Variants in ERG observed in about 807,000 individuals in gnomAD.
ERG encodes the protein transcriptional regulator ERG.
A neutral mutation model predicts 55.3 loss-of-function variants in ERG; 9 were observed. The observed-to-expected ratio is 0.16, with a 90% CI of 0.10 to 0.28. The LOEUF (loss-of-function observed/expected upper bound fraction) is 0.28, where lower values mean the gene tolerates loss of function less well. Ranked by LOEUF, ERG falls within the 10% of genes least tolerant of loss-of-function variation. The pLI is 1.00. For synonymous variants in ERG, 223 were observed against 237.3 expected, an observed-to-expected ratio of 0.94 and a Z score of 0.55; for missense variants, 434 against 631.6, an observed-to-expected ratio of 0.69 and a Z score of 3.35.
intron 2 of ERG, among the ~76,000 whole-genome samples, chr21:38,559,383 CT>C (rs574207119): frequency 0.016 from 1,460 of 91,994 alleles, 14 homozygotes; most frequent in African/African-American, 0.058. Flanking sequence ...TCCCATTTCC[CT>C]TTTTTTTTTT....
intron 3 of ERG, among the ~76,000 whole-genome samples, chr21:38,404,522 T>C (rs895166512): frequency 1.3e-5 from 2 of 152,166 alleles, no homozygotes; most frequent in Middle Eastern, 3.2e-3. Flanking sequence ...CGGGATGTCC[T>C]GTGGTAAACA....
chr21:38,635,620 A>C (rs1335595376), intron 1 of ERG, among the ~76,000 whole-genome samples: 3 of 152,228 alleles, frequency 2.0e-5, no homozygotes, highest in Non-Finnish European at 4.4e-5. Flanking sequence ...AAACTGTTAC[A>C]AAAGGATTCA....
intron 3 of ERG, among the ~76,000 whole-genome samples, chr21:38,419,357 C>T (rs958948334): frequency 1.3e-5 from 2 of 152,232 alleles, no homozygotes; most frequent in African/African-American, 2.4e-5. Context: ...TTCCTCCAGA[C>T]TCAGAATTAA....
intron 3 of ERG, among the ~76,000 whole-genome samples, chr21:38,405,948 C>T (rs905102712): frequency 2.6e-5 from 4 of 151,922 alleles, no homozygotes; most frequent in Non-Finnish European, 5.9e-5. Context: ...GTCAGGAGAT[C>T]GAGACCATCC....
At chr21:38,561,797 A>G (rs2059894478) in intron 2 of ERG, among the ~76,000 whole-genome samples, 1 of 152,226 alleles carries the variant, frequency 6.6e-6, no homozygotes, top group Non-Finnish European at 1.5e-5. Flanking sequence ...TATTTACAGC[A>G]TACAGCAGAG....
At chr21:38,543,981 C>G (rs541215154) in intron 2 of ERG, among the ~76,000 whole-genome samples, 1 of 152,276 alleles carries the variant, frequency 6.6e-6, no homozygotes, top group Admixed American at 6.5e-5. Context: ...CTCAAGTGAT[C>G]TGCCTGCCTT....
intron 1 of ERG, among the ~76,000 whole-genome samples, chr21:38,610,438 G>C (rs935449344): frequency 3.3e-5 from 5 of 152,216 alleles, no homozygotes; most frequent in Non-Finnish European, 7.3e-5. Context: ...CTCTTCCACA[G>C]ATCAACTGGG....
intron 1 of ERG, among the ~76,000 whole-genome samples, chr21:38,644,186 G>A (rs554192874): frequency 1.8e-4 from 28 of 152,184 alleles, no homozygotes; most frequent in Non-Finnish European, 3.5e-4. Context: ...GCAGCCACTG[G>A]CTTCTGAAAT....
At chr21:38,549,841 G>A (rs957168954) in intron 2 of ERG, among the ~76,000 whole-genome samples, 1 of 152,172 alleles carries the variant, frequency 6.6e-6, no homozygotes, top group African/African-American at 2.4e-5. Flanking sequence ...GAGGGGAAGC[G>A]AGTGAGATTG....
At chr21:38,560,836 G>C (rs2059888688) in intron 2 of ERG, among the ~76,000 whole-genome samples, 1 of 152,156 alleles carries the variant, frequency 6.6e-6, no homozygotes, top group Admixed American at 6.5e-5. Context: ...ATCATCAAAT[G>C]TTGCTGTTTA....
At chr21:38,373,642 T>TAA in the ERG span, among the ~76,000 whole-genome samples, 1 of 152,190 alleles carries the variant, frequency 6.6e-6, no homozygotes. Context: ...AGATGTATAT[T>TAA]ACCATCTTGG....
chr21:38,652,341 TG>T (rs1204198318), intron 1 of ERG, among the ~76,000 whole-genome samples: 1 of 152,214 alleles, frequency 6.6e-6, no homozygotes, highest in Non-Finnish European at 1.5e-5. Flanking sequence ...TCCTATGGAA[TG>T]GTGTAGATTG....
intron 1 of ERG, among the ~76,000 whole-genome samples, chr21:38,622,552 TACAC>T (rs905689293): frequency 5.2e-5 from 7 of 135,630 alleles, no homozygotes; most frequent in African/African-American, 1.7e-4. Context: ...ACCACGCACA[TACAC>T]ACCACGCACA....
intron 9 of ERG, 83 bp from the exon 10 acceptor site, chr21:38,384,006 T>C (rs2146413363): frequency 1.3e-6 from 2 of 1,509,726 alleles, no homozygotes; most frequent in East Asian, 2.3e-5. Flanking sequence ...CGGAAGGAGG[T>C]GCTATTGGTG....
chr21:38,531,873 C>A (rs983676565), intron 2 of ERG, among the ~76,000 whole-genome samples: 62 of 152,112 alleles, frequency 4.1e-4, no homozygotes, highest in African/African-American at 1.5e-3. Flanking sequence ...AACCCAAGTG[C>A]AGTGCGTTAC....
chr21:38,509,834 C>G (rs932477839), intron 2 of ERG, among the ~76,000 whole-genome samples: 1 of 152,136 alleles, frequency 6.6e-6, no homozygotes, highest in African/African-American at 2.4e-5. Context: ...GAGAAAAGCT[C>G]TAGTGTTTAG....
chr21:38,392,015 GATAAACAC>G (rs1987993584), intron 7 of ERG, among the ~76,000 whole-genome samples: 1 of 151,024 alleles, frequency 6.6e-6, no homozygotes, highest in African/African-American at 2.4e-5. Flanking sequence ...CATAGTCTAA[GATAAACAC>G]ATAAAGGGAA....
intron 1 of ERG, among the ~76,000 whole-genome samples, chr21:38,457,698 C>A (rs746207224): frequency 6.6e-6 from 1 of 152,204 alleles, no homozygotes; most frequent in Non-Finnish European, 1.5e-5. Context: ...ATGCTATGCA[C>A]CACTGTGCAG....
intron 2 of ERG, among the ~76,000 whole-genome samples, chr21:38,572,963 C>T (rs544358734): frequency 2.0e-5 from 3 of 152,170 alleles, no homozygotes; most frequent in Non-Finnish European, 4.4e-5. Context: ...AATTGCTTTG[C>T]TGAGATGTTG....
Sources: gnomAD v4.1 joint callset for allele counts (sites outside exome capture counted in the v4.1 genomes callset) on GRCh38, gnomAD v4.1.1 for gene constraint, MANE v1.5 for transcripts, NCBI Gene and HGNC (gene_info 2026-07-23, HGNC 2026-07-21) for gene names.